The following LSAMP variants were observed in gnomAD, a reference collection of about 807,000 sequenced individuals.
LSAMP encodes limbic system-associated membrane protein.
A neutral mutation model predicts 38.6 loss-of-function variants in LSAMP; 7 were observed. That is an observed-to-expected ratio of 0.18 (90% CI 0.10 to 0.34). The LOEUF (loss-of-function observed/expected upper bound fraction) is 0.34. Ranked by LOEUF, LSAMP falls within the 10% of genes least tolerant of loss-of-function variation. The pLI is 1.00. For synonymous variants in LSAMP, 154 were observed against 166.8 expected (o/e 0.92, Z 0.59); for missense variants, 313 against 420.0 (o/e 0.75, Z 2.23).
intron 2 of LSAMP, among the ~76,000 whole-genome samples, chr3:116,071,053 TAATAAATAAATAAATAAATA>T (rs369537377): frequency 4.3e-5 from 6 of 138,844 alleles, no homozygotes; most frequent in African/African-American, 1.7e-4. Context: ...AATAAATAAA[TAATAAATAAATAAATAAATA>T]AATAAATAAA....
At chr3:116,392,449 G>A (rs374071305) in intron 1 of LSAMP, among the ~76,000 whole-genome samples, 5 of 152,342 alleles carry the variant, frequency 3.3e-5, no homozygotes, top group South Asian at 2.1e-4. Flanking sequence ...ACACACTCAC[G>A]GCAACGCTGA....
intron 1 of LSAMP, among the ~76,000 whole-genome samples, chr3:116,102,498 T>G (rs9877662): frequency 6.6e-6 from 1 of 152,122 alleles, no homozygotes; most frequent in African/African-American, 2.4e-5. Flanking sequence ...AACATTTGAA[T>G]TGGTAGACTG....
intron 3 of LSAMP, among the ~76,000 whole-genome samples, chr3:115,960,903 C>T (rs1938604566): frequency 1.3e-5 from 2 of 152,146 alleles, no homozygotes; most frequent in Non-Finnish European, 2.9e-5. Flanking sequence ...AAAGAAAGCT[C>T]CCCCATTAGC....
At chr3:116,073,125 G>A (rs994914406) in intron 2 of LSAMP, among the ~76,000 whole-genome samples, 1 of 152,106 alleles carries the variant, frequency 6.6e-6, no homozygotes, top group South Asian at 2.1e-4. Context: ...TTCTGCATAT[G>A]GCTAACCAGT....
chr3:116,354,121 T>C (rs1400540128), intron 1 of LSAMP, among the ~76,000 whole-genome samples: 3 of 152,156 alleles, frequency 2.0e-5, no homozygotes, highest in African/African-American at 7.2e-5. Flanking sequence ...TCAGGGGATA[T>C]TTAAAAAGCT....
At chr3:116,207,544 G>A (rs1315665774) in intron 1 of LSAMP, among the ~76,000 whole-genome samples, 7 of 151,458 alleles carry the variant, frequency 4.6e-5, no homozygotes, top group East Asian at 1.9e-4. Context: ...GGCTGGTCCC[G>A]GTTGTTCCTT....
chr3:116,082,554 T>C (rs533847235), intron 2 of LSAMP, among the ~76,000 whole-genome samples: 1 of 152,204 alleles, frequency 6.6e-6, no homozygotes, highest in Non-Finnish European at 1.5e-5. Flanking sequence ...CTAGAAATGC[T>C]AGTTTAAGAA....
At chr3:116,054,856 G>A (rs1941460072) in intron 2 of LSAMP, among the ~76,000 whole-genome samples, 1 of 152,166 alleles carries the variant, frequency 6.6e-6, no homozygotes, top group African/African-American at 2.4e-5. Flanking sequence ...AAAGTGCCCT[G>A]TGTTTGGGGT....
chr3:115,833,347 T>C (rs1415527869), intron 6 of LSAMP, among the ~76,000 whole-genome samples: 1 of 148,138 alleles, frequency 6.8e-6, no homozygotes, highest in South Asian at 2.1e-4. Flanking sequence ...CAGATTTCAT[T>C]GTTTTAGGGA....
At chr3:116,227,937 T>C (rs1024995303) in intron 1 of LSAMP, among the ~76,000 whole-genome samples, 1 of 152,154 alleles carries the variant, frequency 6.6e-6, no homozygotes, top group African/African-American at 2.4e-5. Flanking sequence ...ATATTAACCA[T>C]ATACAGGGCC....
At chr3:116,136,576 C>T (rs1709252162) in intron 1 of LSAMP, among the ~76,000 whole-genome samples, 1 of 152,062 alleles carries the variant, frequency 6.6e-6, no homozygotes, top group Non-Finnish European at 1.5e-5. Context: ...TAAACATCTG[C>T]CCTCCCAGTT....
At chr3:116,329,553 A>C (rs181717193) in intron 1 of LSAMP, among the ~76,000 whole-genome samples, 1 of 152,168 alleles carries the variant, frequency 6.6e-6, no homozygotes, top group Admixed American at 6.5e-5. Flanking sequence ...CTAAAATTTG[A>C]TGATGTTATA....
chr3:116,162,081 C>T (rs1709901716), intron 1 of LSAMP, among the ~76,000 whole-genome samples: 1 of 151,982 alleles, frequency 6.6e-6, no homozygotes, highest in East Asian at 1.9e-4. Context: ...CCTCCTTTAC[C>T]CCTAGAGACA....
intron 1 of LSAMP, among the ~76,000 whole-genome samples, chr3:116,229,938 G>A (rs1478557139): frequency 1.3e-5 from 2 of 152,120 alleles, no homozygotes; most frequent in African/African-American, 4.8e-5. Context: ...GTGGTGGGTG[G>A]AAGATTATAC....
At position 116,187,548 on chromosome 3, in the gene LSAMP, AG is replaced by A. The variant is rs1370739538; in HGVS notation, c.156-100993del. ...AAATGTCAGCAGTGCATTTTTTCAA[AG>A]CATCAAGAACCCAGCAAACATGAAA... On this transcript the variant is annotated intron_variant, in intron 1 of 6. Transcript: ENST00000490035. Among the ~76,000 whole-genome samples, 5 of 152,254 alleles carry A rather than the reference AG, an allele frequency of 3.3e-5. No individual in the cohort carries two copies. In the South Asian group the frequency reaches 1.0e-3, roughly 32 times the overall value.
intron 2 of LSAMP, among the ~76,000 whole-genome samples, chr3:116,065,701 C>T (rs1413831529): frequency 1.3e-5 from 2 of 152,164 alleles, no homozygotes; most frequent in Non-Finnish European, 2.9e-5. Context: ...ATTTCCTTGC[C>T]AACTCAAATT....
intron 1 of LSAMP, among the ~76,000 whole-genome samples, chr3:116,265,210 A>T (rs1413366271): frequency 6.6e-6 from 1 of 152,256 alleles, no homozygotes; most frequent in African/African-American, 2.4e-5. Context: ...GCTGAAGAAT[A>T]TGAAGCTGTG....
At chr3:116,143,546 A>C (rs1450580255) in intron 1 of LSAMP, among the ~76,000 whole-genome samples, 1 of 151,960 alleles carries the variant, frequency 6.6e-6, no homozygotes, top group Non-Finnish European at 1.5e-5. Context: ...TTCACACTGT[A>C]TGCTTGTATT....
At chr3:116,173,059 A>G (rs1349949324) in intron 1 of LSAMP, among the ~76,000 whole-genome samples, 1 of 152,094 alleles carries the variant, frequency 6.6e-6, no homozygotes, top group East Asian at 1.9e-4. Flanking sequence ...TTATTTCAAC[A>G]TACATGAATG....
Sources: allele counts gnomAD v4.1 joint callset (sites outside exome capture counted in the v4.1 genomes callset), GRCh38; gene constraint gnomAD v4.1.1; transcripts MANE v1.5; gene names NCBI Gene and HGNC (gene_info 2026-07-23, HGNC 2026-07-21).